The following NHS variants were observed in gnomAD, a reference collection of about 807,000 sequenced individuals.
NHS encodes actin remodeling regulator NHS.
Under a neutral mutation model 72.5 loss-of-function variants are expected in NHS, and 5 were observed. The observed-to-expected ratio is 0.07, with a 90% CI of 0.04 to 0.14. The LOEUF (loss-of-function observed/expected upper bound fraction) is 0.14, where lower values mean the gene tolerates loss of function less well. Among genes scored for constraint, NHS ranks in the 10% least tolerant of loss-of-function variants. NHS has a pLI of 1.00. For synonymous variants in NHS, 464 were observed against 547.7 expected (o/e 0.85, Z 2.13); for missense variants, 1,072 against 1,355.7 (o/e 0.79, Z 3.29).
At chrX:17,410,680 A>G (rs1206732191) in intron 1 of NHS, among the ~76,000 whole-genome samples, 1 of 110,107 alleles carries the variant, frequency 9.1e-6, no homozygotes, top group Non-Finnish European at 1.9e-5. Flanking sequence ...CTTATAATAG[A>G]ACGTTCCTGG....
intron 1 of NHS, among the ~76,000 whole-genome samples, chrX:17,657,949 C>T (rs1601821578): frequency 8.9e-6 from 1 of 112,827 alleles, no homozygotes; most frequent in East Asian, 2.8e-4. Flanking sequence ...AGGTGGAAAC[C>T]CCTGGACAGT....
intron 1 of NHS, among the ~76,000 whole-genome samples, chrX:17,607,210 C>A (rs935135581): frequency 1.1e-4 from 12 of 111,726 alleles, no homozygotes; most frequent in Middle Eastern, 4.6e-3. Flanking sequence ...ACAGCAGTTT[C>A]CCACTGGTCA....
intron 1 of NHS, among the ~76,000 whole-genome samples, chrX:17,611,414 C>CA (rs2065710704): frequency 1.8e-5 from 2 of 112,127 alleles, no homozygotes; most frequent in Admixed American, 1.9e-4. Context: ...AATCAGTGGA[C>CA]AAAATGTGCT....
In NHS at chrX:17,375,820, C is replaced by G. The variant is rs1435156319; in HGVS notation, c.63C>G (p.Pro21=). ...QWLCRQRRPA[P]GPAVDASGGS... Reference sequence around the variant, plus strand: ...TGTGCAGGCAGCGGCGCCCTGCGCCCGGCCCAGCAGTGGACGCGAGCGGAG... The same window carrying G: ...TGTGCAGGCAGCGGCGCCCTGCGCCGGGCCCAGCAGTGGACGCGAGCGGAG... The change falls in exon 1 of 9, where the codon CCC becomes CCG. Residue 21 remains proline (P), a synonymous_variant. Coordinates refer to ENST00000676302, the MANE Select transcript of NHS (RefSeq NM_001291867.2). 1 of 1,150,364 alleles carries G rather than the reference C, an allele frequency of 8.7e-7. No homozygotes were observed. The highest frequency in any genetic ancestry group is 1.8e-5 in the African/African-American group (1 of 55,702). 94.8% of individuals were successfully genotyped at this position (1,150,364 alleles called of 1,213,427 possible). A position where few individuals can be genotyped will look rare whatever the true frequency, so the allele number is the denominator to read the frequency against.
At chrX:17,719,942 T>G (rs899162673) in intron 4 of NHS, among the ~76,000 whole-genome samples, 1 of 110,499 alleles carries the variant, frequency 9.0e-6, no homozygotes, top group Non-Finnish European at 1.9e-5. Context: ...TTCTCTCTCT[T>G]TGTCTCCCTC....
intron 1 of NHS, among the ~76,000 whole-genome samples, chrX:17,559,308 T>C (rs1358266755): frequency 8.9e-6 from 1 of 111,836 alleles, no homozygotes; most frequent in African/African-American, 3.3e-5. Flanking sequence ...TCCCCACTGG[T>C]TGATTTACTG....
At chrX:17,503,714 A>G (rs867610935) in intron 1 of NHS, among the ~76,000 whole-genome samples, 4 of 111,998 alleles carry the variant, frequency 3.6e-5, no homozygotes, top group Non-Finnish European at 5.6e-5. Flanking sequence ...TCATTCCAGG[A>G]CTAATATCAT....
chrX:17,417,065 G>C (rs749748503), intron 1 of NHS, among the ~76,000 whole-genome samples: 4 of 108,132 alleles, frequency 3.7e-5, no homozygotes, highest in Non-Finnish European at 7.6e-5. Context: ...GTATTTGTGG[G>C]TCTGTGTGAA....
intron 1 of NHS, among the ~76,000 whole-genome samples, chrX:17,681,150 T>C (rs1261776330): frequency 9.0e-6 from 1 of 111,725 alleles, no homozygotes; most frequent in Non-Finnish European, 1.9e-5. Context: ...TGATCTTTAG[T>C]AGCCTCATCT....
At chrX:17,400,810 C>T (rs1165333764) in intron 1 of NHS, among the ~76,000 whole-genome samples, 1 of 111,629 alleles carries the variant, frequency 9.0e-6, no homozygotes, top group African/African-American at 3.3e-5. Context: ...GGCTATACTC[C>T]CTAAATCAAT....
At chrX:17,648,285 C>T (rs766634559) in intron 1 of NHS, among the ~76,000 whole-genome samples, 1 of 111,840 alleles carries the variant, frequency 8.9e-6, no homozygotes, top group Non-Finnish European at 1.9e-5. Flanking sequence ...TAGGGGACAA[C>T]TGGGCCACCT....
intron 1 of NHS, among the ~76,000 whole-genome samples, chrX:17,539,201 C>T (rs188168630): frequency 9.0e-6 from 1 of 111,621 alleles, no homozygotes; most frequent in Non-Finnish European, 1.9e-5. Context: ...GAAAGCATGG[C>T]TCTGGCTCTT....
intron 1 of NHS, among the ~76,000 whole-genome samples, chrX:17,538,829 C>T (rs888774197): frequency 1.1e-4 from 12 of 112,076 alleles, no homozygotes; most frequent in African/African-American, 3.6e-4. Flanking sequence ...GTGGGGCGTA[C>T]ACTTCTCTTC....
intron 1 of NHS, among the ~76,000 whole-genome samples, chrX:17,438,272 G>T (rs1601706906): frequency 8.9e-6 from 1 of 112,252 alleles, no homozygotes; most frequent in East Asian, 2.8e-4. Flanking sequence ...TTCAGGGGCT[G>T]ATGCTGTCCT....
At chrX:17,535,972 C>T (rs941568520) in intron 1 of NHS, among the ~76,000 whole-genome samples, 6 of 112,005 alleles carry the variant, frequency 5.4e-5, no homozygotes, top group African/African-American at 1.9e-4. Context: ...TTAACTCATT[C>T]CCTCTGCTTC....
At chrX:17,659,018 A>G (rs1243033534) in intron 1 of NHS, among the ~76,000 whole-genome samples, 1 of 112,506 alleles carries the variant, frequency 8.9e-6, no homozygotes, top group Non-Finnish European at 1.9e-5. Flanking sequence ...TTGTGATTAT[A>G]AGGAACCTAG....
At position 17,728,017 on chromosome X, in the gene NHS, A is replaced by G. The variant is rs762773389; in HGVS notation, c.3911A>G (p.Gln1304Arg). The G allele has an allele frequency of 5.0e-6, 6 of 1,212,119 alleles. No individual in the cohort carries two copies. The highest frequency in any genetic ancestry group is 6.7e-6 in the Non-Finnish European group (6 of 895,609). Reference protein sequence around the residue: ...PGPDETLEQVQKAPSAGLEEV... With the variant: ...PGPDETLEQVRKAPSAGLEEV... ...CCAGACGAAACTCTAGAACAGGTAC[A>G]GAAGGCACCCTCTGCAGGTCTGGAG... The change falls in exon 7 of 9, where the codon CAG (glutamine) becomes CGG (arginine). Residue 1304 changes from glutamine (Q) to arginine (R), a missense_variant. By Grantham distance (43) the Gln-to-Arg change is conservative. Transcript: ENST00000676302.
At chrX:17,489,363 C>T (rs1242298294) in intron 1 of NHS, among the ~76,000 whole-genome samples, 1 of 112,417 alleles carries the variant, frequency 8.9e-6, no homozygotes, top group Non-Finnish European at 1.9e-5. Context: ...TAAGGAATCG[C>T]CACACTGACT....
intron 3 of NHS, among the ~76,000 whole-genome samples, chrX:17,712,290 T>TACACAC (rs1308908423): frequency 7.5e-5 from 4 of 53,017 alleles, no homozygotes; most frequent in Non-Finnish European, 1.4e-4. Flanking sequence ...TATATATATA[T>TACACAC]ACACACACAC....
Sources: gnomAD v4.1 joint callset for allele counts (sites outside exome capture counted in the v4.1 genomes callset) on GRCh38, gnomAD v4.1.1 for gene constraint, MANE v1.5 for transcripts, NCBI Gene and HGNC (gene_info 2026-07-23, HGNC 2026-07-21) for gene names.